UBA3: variants seen among roughly 807,000 people sequenced by gnomAD.
UBA3 encodes NEDD8-activating enzyme E1 catalytic subunit.
UBA3 carries 26 observed loss-of-function variants against 73.5 expected under a neutral mutation model. The observed-to-expected ratio is 0.35, with a 90% CI of 0.26 to 0.49. The LOEUF (loss-of-function observed/expected upper bound fraction) is 0.49, where lower values mean the gene tolerates loss of function less well. UBA3 is among the 20% of genes least tolerant of loss of function. The probability of loss-of-function intolerance (pLI) is 0.98; values close to 1 mark genes in which losing one functional copy is unlikely to be tolerated. For missense variants in UBA3, 495 were observed against 555.6 expected (o/e 0.89, Z 1.10); for synonymous variants, 217 against 191.2 (o/e 1.13, Z -1.11).
Position 69,080,162 on chromosome 3 carries a change from G to C in UBA3, c.21-9C>G. The C allele has an allele frequency of 6.2e-7, 1 of 1,602,064 alleles. No individual in the cohort carries two copies. Among genetic ancestry groups the C allele is most frequent in the Non-Finnish European group, 8.5e-7 (1 of 1,174,744 alleles). On this transcript the variant is annotated splice_polypyrimidine_tract_variant and intron_variant, in intron 1 of 17. Coordinates refer to ENST00000361055, the MANE Select transcript of UBA3 (RefSeq NM_003968.4). The stretch of plus-strand genomic sequence containing the variant: ...TCCTTCTTTTCTTCTCCCTAAAAGA[G>C]AGAATAAAAGAAGGGTCAGCATCGC...
chr3:69,062,189 C>T lies in UBA3; in HGVS notation c.694-10G>A. 6.4e-7 allele frequency: 1 copy of T among 1,560,722 alleles called. No individual in the cohort carries two copies. The highest frequency in any genetic ancestry group is 8.8e-7 in the Non-Finnish European group (1 of 1,135,234). ...ACATGGGAAAATTAACCTAAAACCA[C>T]AGTTTGTCCTTTTCAGTGAATTTTA... is the stretch of plus-strand genomic sequence containing the variant. On this transcript the variant is annotated splice_polypyrimidine_tract_variant and intron_variant, in intron 9 of 17. Coordinates refer to ENST00000361055, the MANE Select transcript of UBA3 (RefSeq NM_003968.4).
chr3:69,073,702 C>G (rs538029961), intron 4 of UBA3, among the ~76,000 whole-genome samples: 1 of 144,698 alleles, frequency 6.9e-6, no homozygotes, highest in African/African-American at 2.6e-5. Flanking sequence ...GTGGTGTGAT[C>G]TCGGCTCACT....
At chr3:69,071,401 G>A (rs79885724) in intron 5 of UBA3, 134 bp downstream of exon 5, 17 of 552,878 alleles carry the variant, frequency 3.1e-5, no homozygotes, top group Admixed American at 1.2e-4. Flanking sequence ...AATGGGAATG[G>A]TAGTTTTTGT....
chr3:69,063,865 G>T (rs751359396), intron 7 of UBA3, among the ~76,000 whole-genome samples: 20 of 152,132 alleles, frequency 1.3e-4, no homozygotes, highest in Admixed American at 4.6e-4. Context: ...TCTCATTCAG[G>T]TAAGCATAGA....
chr3:69,056,549 T>C, intron 14 of UBA3, 63 bp downstream of exon 14: 3 of 1,405,102 alleles, frequency 2.1e-6, no homozygotes, highest in Non-Finnish European at 3.0e-6. Flanking sequence ...TTCAAATTTC[T>C]AACCAATAAT....
intron 4 of UBA3, 71 bp from the exon 5 acceptor site, chr3:69,071,688 T>G (rs1390066639): frequency 1.0e-6 from 1 of 969,000 alleles, no homozygotes; most frequent in East Asian, 2.7e-5. Context: ...TTGTTTTCAA[T>G]GTAGTCTTAA....
chr3:69,056,744 A>C (rs2091977295), intron 13 of UBA3, 35 bp downstream of exon 13: 1 of 1,610,422 alleles, frequency 6.2e-7, no homozygotes, highest in African/African-American at 1.3e-5. Flanking sequence ...GTCAAAACAT[A>C]AATTTACATG....
intron 3 of UBA3, among the ~76,000 whole-genome samples, chr3:69,076,717 T>A (rs1465781970): frequency 6.6e-6 from 1 of 151,744 alleles, no homozygotes; most frequent in East Asian, 1.9e-4. Flanking sequence ...ACCAAAGACA[T>A]GTATCATCAT....
rs1373065695 is a variant in UBA3 at position 69,056,255 on chromosome 3, G to A, written c.1112C>T (p.Pro371Leu). The A allele has an allele frequency of 1.2e-6, 2 of 1,603,132 alleles. No individual in the cohort carries two copies. Among genetic ancestry groups the A allele is most frequent in the African/African-American group, 1.3e-5 (1 of 74,372 alleles). The stretch of plus-strand genomic sequence containing the variant: ...TGATGGAGAAAACTGAATATTTTGA[G>A]GAAGCTGGCTACAAGCTGGGCAGTT... ...KENCPACSQL[P>L]QNIQFSPSAK... Residue 371 changes from proline to leucine, a missense_variant, in exon 15 of 18, where the codon CCT becomes CTT. Coordinates refer to ENST00000361055, the MANE Select transcript of UBA3 (RefSeq NM_003968.4).
At chr3:69,057,012 T>C (rs1042573147) in intron 12 of UBA3, among the ~76,000 whole-genome samples, 197 bp from the exon 13 acceptor site, 1 of 152,238 alleles carries the variant, frequency 6.6e-6, no homozygotes, top group Admixed American at 6.5e-5. Flanking sequence ...TACATGTTTT[T>C]CTTGTTTATC....
In UBA3 at chr3:69,055,677, T is replaced by G; in HGVS notation, c.1304-152A>C. 4 of 905,308 alleles carry G rather than the reference T, an allele frequency of 4.4e-6. 1 individual carries two copies. In the South Asian group the frequency reaches 6.8e-5, roughly 15 times the overall value. 56.1% of individuals were successfully genotyped at this position (905,308 alleles called of 1,614,324 possible). The stretch of plus-strand genomic sequence containing the variant: ...GTAATATTTGATTTCTTAGAGATTT[T>G]AAAATATTCTACTAAAAGAGCAATT... On this transcript the variant is annotated intron_variant, in intron 17 of 17. Transcript: ENST00000361055.
chr3:69,062,962 G>T lies in UBA3; in HGVS notation c.693+20C>A. The stretch of plus-strand genomic sequence containing the variant: ...CATGCCAAGATACTATAAAAGAAAT[G>T]CAGGTGCTTTTTTGATTACCTGTGG... On this transcript the variant is annotated intron_variant, in intron 9 of 17. Coordinates refer to ENST00000361055, the MANE Select transcript of UBA3 (RefSeq NM_003968.4). 1.2e-6 allele frequency: 2 copies of T among 1,612,550 alleles called. No homozygotes were observed. Among genetic ancestry groups the T allele is most frequent in the Non-Finnish European group, 1.7e-6 (2 of 1,179,274 alleles).
chr3:69,055,603 G>A (rs2091966094), intron 17 of UBA3, 78 bp from the exon 18 acceptor site: 10 of 1,034,462 alleles, frequency 9.7e-6, no homozygotes, highest in African/African-American at 1.7e-5. Flanking sequence ...ACAAACTACA[G>A]AGTATTACGG....
chr3:69,061,963 G>T (rs766119979), intron 10 of UBA3, 36 bp from the exon 11 acceptor site: 1 of 1,459,832 alleles, frequency 6.9e-7, no homozygotes, highest in South Asian at 1.2e-5. Flanking sequence ...GAGAGAGAGA[G>T]AAGACAGGAA....
intron 3 of UBA3, 118 bp from the exon 4 acceptor site, chr3:69,075,628 G>A (rs1294367724): frequency 1.7e-5 from 7 of 404,114 alleles, no homozygotes; most frequent in Non-Finnish European, 3.1e-5. Flanking sequence ...CTAGGATAAA[G>A]AGGAGACTTT....
Position 69,055,518 on chromosome 3 carries a change from C to A in UBA3, c.1311G>T (p.Gly437=). 1.9e-6 allele frequency: 3 copies of A among 1,580,422 alleles called. No individual in the cohort carries two copies. The highest frequency in any genetic ancestry group is 2.6e-6 in the Non-Finnish European group (3 of 1,170,664). The change falls in exon 18 of 18, where the codon GGG becomes GGT. Residue 437 remains glycine, a synonymous_variant. Transcript: ENST00000361055. The stretch of plus-strand genomic sequence containing the variant: ...CCGCCAGTTCTTGTCCATCAACAAG[C>A]CCCAATTCTAAAACAGAAAAAATAT... ...PNLSKTLKEL[G]LVDGQELAVA...
chr3:69,074,163 T>C (rs2092145259), intron 4 of UBA3, among the ~76,000 whole-genome samples: 1 of 152,224 alleles, frequency 6.6e-6, no homozygotes, highest in East Asian at 1.9e-4. Flanking sequence ...AATGTCACAT[T>C]TGCAAATAAT....
At position 69,067,939 on chromosome 3, in the gene UBA3, G is replaced by C; in HGVS notation, c.417C>G (p.Cys139Trp). Residue 139 changes from cysteine to tryptophan, a missense_variant, in exon 6 of 18, where the codon TGC (cysteine) becomes TGG (tryptophan). Physicochemically the swap from Cys to Trp is radical, Grantham distance 215. Transcript: ENST00000361055. The stretch of plus-strand genomic sequence containing the variant: ...TGTCAAAAGGATACGGAACTACATT[G>C]CAATTAGGAACTCTGTCATTTAGAA... ...AEFLNDRVPN[C>W]NVVPHFNKIQ... is the part of the protein sequence containing the mutation. The C allele has an allele frequency of 6.2e-7, 1 of 1,605,584 alleles. No individual in the cohort carries two copies. The highest frequency in any genetic ancestry group is 1.1e-5 in the South Asian group (1 of 89,816).
chr3:69,060,388 A>G (rs1432130424), intron 11 of UBA3, among the ~76,000 whole-genome samples: 1 of 152,192 alleles, frequency 6.6e-6, no homozygotes, highest in Non-Finnish European at 1.5e-5. Flanking sequence ...TTCAGTGGCT[A>G]GTAACATCAA....
Sources: gnomAD v4.1 joint callset for allele counts (sites outside exome capture counted in the v4.1 genomes callset) on GRCh38, gnomAD v4.1.1 for gene constraint, MANE v1.5 for transcripts, NCBI Gene and HGNC (gene_info 2026-07-23, HGNC 2026-07-21) for gene names.